Variants in ARHGEF4 observed in about 807,000 individuals in gnomAD.
The protein encoded by ARHGEF4 is APC-stimulated guanine nucleotide exchange factor 1.
A neutral mutation model predicts 162.0 loss-of-function variants in ARHGEF4; 119 were observed. The observed-to-expected ratio is 0.73, with a 90% CI of 0.63 to 0.86. The LOEUF is 0.86. ARHGEF4 is among the 40% of genes least tolerant of loss of function. The pLI is 0.00. For missense variants in ARHGEF4, 2,488 were observed against 2,456.0 expected, an observed-to-expected ratio of 1.01 and a Z score of -0.28; for synonymous variants, 1,014 against 979.9, an observed-to-expected ratio of 1.03 and a Z score of -0.65.
intron 1 of ARHGEF4, among the ~76,000 whole-genome samples, chr2:130,841,421 G>A (rs540472607): frequency 6.7e-6 from 1 of 149,008 alleles, no homozygotes; most frequent in African/African-American, 2.5e-5. Flanking sequence ...ACATCAGATA[G>A]GACCCTATTG....
intron 4 of ARHGEF4, among the ~76,000 whole-genome samples, chr2:130,971,932 CT>C (rs1476087994): frequency 1.3e-5 from 2 of 152,230 alleles, no homozygotes; most frequent in African/African-American, 4.8e-5. Flanking sequence ...CAGACAGTGA[CT>C]TTCCTAAGTA....
At chr2:130,965,143 G>C (rs139113992) in intron 4 of ARHGEF4, among the ~76,000 whole-genome samples, 5 of 152,338 alleles carry the variant, frequency 3.3e-5, no homozygotes, top group Non-Finnish European at 5.9e-5. Flanking sequence ...AAGCTGCAGG[G>C]CCTCACGTAG....
At chr2:131,011,950 T>C (rs900979814) in intron 4 of ARHGEF4, 1 of 700,534 alleles carries the variant, frequency 1.4e-6, no homozygotes, top group Non-Finnish European at 2.6e-6. Context: ...TTCTGGATAA[T>C]AAAGTAAAGG....
intron 1 of ARHGEF4, among the ~76,000 whole-genome samples, chr2:130,897,645 G>A (rs1190854295): frequency 6.6e-6 from 1 of 152,158 alleles, no homozygotes; most frequent in African/African-American, 2.4e-5. Flanking sequence ...ACTACTTGCC[G>A]GCATTTTACT....
chr2:131,042,488 TG>T (rs1690892316), intron 10 of ARHGEF4, among the ~76,000 whole-genome samples: 2 of 141,024 alleles, frequency 1.4e-5, no homozygotes, highest in Non-Finnish European at 3.1e-5. Flanking sequence ...TGCCACCTCC[TG>T]ATCTGTTCCC....
chr2:131,041,701 G>C, intron 9 of ARHGEF4, 114 bp from the exon 10 acceptor site: 1 of 1,423,370 alleles, frequency 7.0e-7, no homozygotes. Flanking sequence ...GTGAGGATGT[G>C]GTCAAAGGGC....
chr2:131,028,502 T>A (rs1214155053), intron 5 of ARHGEF4, among the ~76,000 whole-genome samples: 3 of 152,230 alleles, frequency 2.0e-5, no homozygotes, highest in African/African-American at 7.2e-5. Flanking sequence ...CCATTTTCTC[T>A]CCTGACAACA....
intron 1 of ARHGEF4, among the ~76,000 whole-genome samples, chr2:130,845,772 A>C (rs530755339): frequency 6.6e-6 from 1 of 152,344 alleles, no homozygotes; most frequent in South Asian, 2.1e-4. Context: ...ACAGAGCAGC[A>C]CTAGGAGGGA....
chr2:130,944,756 G>A (rs1683504749), intron 3 of ARHGEF4, among the ~76,000 whole-genome samples: 1 of 151,964 alleles, frequency 6.6e-6, no homozygotes, highest in African/African-American at 2.4e-5. Context: ...TGTTGCCATT[G>A]TTGACTATCT....
chr2:130,883,666 G>A (rs1412612554), intron 1 of ARHGEF4, among the ~76,000 whole-genome samples: 1 of 152,162 alleles, frequency 6.6e-6, no homozygotes, highest in Non-Finnish European at 1.5e-5. Flanking sequence ...GCCCACGCAT[G>A]TCTGCAGGGG....
chr2:130,993,926 G>A (rs925061155), intron 4 of ARHGEF4, among the ~76,000 whole-genome samples: 1 of 152,030 alleles, frequency 6.6e-6, no homozygotes, highest in African/African-American at 2.4e-5. Context: ...TGGGACTATA[G>A]GCACCACCGC....
At chr2:130,855,427 G>A (rs980285772) in intron 1 of ARHGEF4, among the ~76,000 whole-genome samples, 5 of 152,136 alleles carry the variant, frequency 3.3e-5, no homozygotes, top group African/African-American at 4.8e-5. Flanking sequence ...GTCAGCAGAG[G>A]GAAGAGGTAC....
At chr2:130,948,551 A>G (rs1683763165) in intron 4 of ARHGEF4, among the ~76,000 whole-genome samples, 1 of 152,194 alleles carries the variant, frequency 6.6e-6, no homozygotes, top group African/African-American at 2.4e-5. Flanking sequence ...AGAGCTTCAT[A>G]ATCATATTTT....
intron 1 of ARHGEF4, among the ~76,000 whole-genome samples, chr2:130,882,597 T>C (rs534980137): frequency 3.9e-5 from 6 of 152,078 alleles, no homozygotes; most frequent in Admixed American, 3.9e-4. Context: ...ACATATGAAC[T>C]TGGGGGAAGG....
chr2:131,008,677 A>G (rs530172923), intron 4 of ARHGEF4, among the ~76,000 whole-genome samples: 3 of 151,988 alleles, frequency 2.0e-5, no homozygotes, highest in Admixed American at 2.0e-4. Context: ...TTGGCTTATC[A>G]CTATTCCTTT....
At chr2:131,015,940 C>G (rs923774237) in intron 4 of ARHGEF4, among the ~76,000 whole-genome samples, 3 of 152,224 alleles carry the variant, frequency 2.0e-5, no homozygotes, top group African/African-American at 7.2e-5. Flanking sequence ...ATCCCAGTCC[C>G]GCAGCGCAGA....
rs1370027246 is a variant in ARHGEF4, at chr2:131,046,721, T to C, written c.*532T>C. ...AGAAGCCAGGAATTCCACACCCTTG[T>C]GTTGCGCCCGGAGCCCGCCCTTCGC... On this transcript the variant is annotated 3_prime_UTR_variant, in exon 14 of 14. Coordinates refer to ENST00000409359, the MANE Select transcript of ARHGEF4 (RefSeq NM_001367493.1). 1 of 153,606 alleles carries C rather than the reference T, an allele frequency of 6.5e-6. No homozygotes were observed. Among genetic ancestry groups the C allele is most frequent in the Non-Finnish European group, 1.5e-5 (1 of 68,876 alleles). The allele number at this position is 153,606 out of a possible 1,614,324, so 9.5% of individuals were successfully genotyped here. A position where few individuals can be genotyped will look rare whatever the true frequency, so the allele number is the denominator to read the frequency against.
chr2:131,038,015 C>G (rs981542277), intron 5 of ARHGEF4, among the ~76,000 whole-genome samples: 1 of 152,130 alleles, frequency 6.6e-6, no homozygotes, highest in Non-Finnish European at 1.5e-5. Flanking sequence ...GGGCATTGCT[C>G]AGCTGGTGCT....
chr2:131,011,895 G>T (rs1325132074), intron 4 of ARHGEF4: 1 of 703,020 alleles, frequency 1.4e-6, no homozygotes, highest in African/African-American at 1.7e-5. Context: ...GCAGAGATGG[G>T]ACCTGCACTG....
Sources: allele counts gnomAD v4.1 joint callset (sites outside exome capture counted in the v4.1 genomes callset), GRCh38; gene constraint gnomAD v4.1.1; transcripts MANE v1.5; gene names NCBI Gene and HGNC (gene_info 2026-07-23, HGNC 2026-07-21).